Variants in CADM2 observed in about 807,000 individuals in gnomAD.
CADM2 encodes cell adhesion molecule 2.
A neutral mutation model predicts 49.8 loss-of-function variants in CADM2; 12 were observed. The observed-to-expected ratio is 0.24, with a 90% CI of 0.15 to 0.39. The LOEUF (loss-of-function observed/expected upper bound fraction) is 0.39, where lower values mean the gene tolerates loss of function less well. Ranked by LOEUF, CADM2 falls within the 10% of genes least tolerant of loss-of-function variation. The pLI, the probability that CADM2 is intolerant of heterozygous loss-of-function variation, is 1.00. For missense variants in CADM2, 378 were observed against 492.3 expected (o/e 0.77, Z 2.20); for synonymous variants, 214 against 175.4 (o/e 1.22, Z -1.74).
chr3:85,277,270 A>G (rs13316325), intron 1 of CADM2, among the ~76,000 whole-genome samples: 166 of 151,588 alleles, frequency 1.1e-3, no homozygotes, highest in African/African-American at 3.9e-3. Context: ...AATGATCTTC[A>G]AAAGCTGAAA....
At chr3:85,274,489 A>G (rs1171195451) in intron 1 of CADM2, among the ~76,000 whole-genome samples, 1 of 151,348 alleles carries the variant, frequency 6.6e-6, no homozygotes, top group Non-Finnish European at 1.5e-5. Flanking sequence ...ATTAAGAGGA[A>G]GGATGTTTAA....
chr3:85,222,813 A>AATT (rs2042072333), intron 1 of CADM2, among the ~76,000 whole-genome samples: 1 of 152,118 alleles, frequency 6.6e-6, no homozygotes, highest in South Asian at 2.1e-4. Flanking sequence ...TTATTCACTG[A>AATT]ATTATTTGGT....
intron 3 of CADM2, among the ~76,000 whole-genome samples, chr3:85,867,672 T>A (rs1559710764): frequency 7.3e-6 from 1 of 137,160 alleles, no homozygotes; most frequent in East Asian, 2.2e-4. Context: ...AACTTAAGCA[T>A]TTAGTGCTAC....
chr3:85,147,763 A>G (rs1387944033), intron 1 of CADM2, among the ~76,000 whole-genome samples: 2 of 152,176 alleles, frequency 1.3e-5, no homozygotes, highest in African/African-American at 4.8e-5. Context: ...TATGTTGATC[A>G]ATTTATGCTA....
At chr3:85,185,688 G>A (rs1370265892) in intron 1 of CADM2, among the ~76,000 whole-genome samples, 1 of 152,082 alleles carries the variant, frequency 6.6e-6, no homozygotes, top group Non-Finnish European at 1.5e-5. Context: ...GTATGATGGA[G>A]CATGAATTTC....
chr3:85,906,220 G>A (rs1368636703), intron 5 of CADM2, among the ~76,000 whole-genome samples: 1 of 152,096 alleles, frequency 6.6e-6, no homozygotes, highest in Non-Finnish European at 1.5e-5. Context: ...ACATTCTAAT[G>A]TAGACAAATA....
chr3:85,641,193 T>G (rs2107551644), intron 1 of CADM2, among the ~76,000 whole-genome samples: 1 of 152,276 alleles, frequency 6.6e-6, no homozygotes, highest in Middle Eastern at 3.4e-3. Flanking sequence ...TCTTCATCTT[T>G]TCTTAGCTAA....
intron 8 of CADM2, among the ~76,000 whole-genome samples, chr3:85,970,712 C>T (rs1246989305): frequency 6.6e-6 from 1 of 151,428 alleles, no homozygotes; most frequent in Non-Finnish European, 1.5e-5. Flanking sequence ...AAAATTAGTG[C>T]CGTGTGCATA....
At chr3:85,920,288 AC>A (rs1250184920) in intron 6 of CADM2, among the ~76,000 whole-genome samples, 4 of 151,908 alleles carry the variant, frequency 2.6e-5, no homozygotes, top group Non-Finnish European at 5.9e-5. Context: ...GCATAAGGGC[AC>A]AGAATATAAA....
intron 1 of CADM2, among the ~76,000 whole-genome samples, chr3:85,544,740 A>C (rs1251013498): frequency 6.6e-6 from 1 of 152,144 alleles, no homozygotes; most frequent in African/African-American, 2.4e-5. Flanking sequence ...TAGATTGGGC[A>C]TAATTGACAA....
At chr3:85,171,811 A>G (rs181878124) in intron 1 of CADM2, among the ~76,000 whole-genome samples, 5 of 152,330 alleles carry the variant, frequency 3.3e-5, no homozygotes, top group East Asian at 1.9e-4. Context: ...AAATAAAACA[A>G]TTTACATAGG....
At chr3:85,288,147 G>A (rs2043682548) in intron 1 of CADM2, among the ~76,000 whole-genome samples, 1 of 151,894 alleles carries the variant, frequency 6.6e-6, no homozygotes, top group South Asian at 2.1e-4. Flanking sequence ...CTAATTGTGG[G>A]ACCTTGAGAA....
chr3:85,293,004 G>C (rs892831131), intron 1 of CADM2, among the ~76,000 whole-genome samples: 1 of 152,074 alleles, frequency 6.6e-6, no homozygotes, highest in Non-Finnish European at 1.5e-5. Flanking sequence ...TCCAGGAGCT[G>C]GTTTTTTGAA....
At chr3:85,156,561 T>C (rs1445918595) in intron 1 of CADM2, among the ~76,000 whole-genome samples, 1 of 152,208 alleles carries the variant, frequency 6.6e-6, no homozygotes, top group African/African-American at 2.4e-5. Context: ...GAGGAACTGG[T>C]ACCATTCCTT....
chr3:85,026,922 A>G (rs1310663244), intron 1 of CADM2, among the ~76,000 whole-genome samples: 1 of 151,898 alleles, frequency 6.6e-6, no homozygotes, highest in African/African-American at 2.4e-5. Context: ...TTAAACAACT[A>G]TTTTATGTAC....
chr3:85,250,911 C>T (rs2042758017), intron 1 of CADM2, among the ~76,000 whole-genome samples: 1 of 151,626 alleles, frequency 6.6e-6, no homozygotes, highest in African/African-American at 2.4e-5. Flanking sequence ...TCCTCTGTTA[C>T]AAAGGTGTGA....
intron 1 of CADM2, among the ~76,000 whole-genome samples, chr3:85,157,660 C>T (rs1203695401): frequency 6.6e-6 from 1 of 151,306 alleles, no homozygotes; most frequent in Admixed American, 6.6e-5. Flanking sequence ...AAACTGGATC[C>T]CTTCCTTACA....
intron 1 of CADM2, among the ~76,000 whole-genome samples, chr3:85,671,005 G>A (rs1227011802): frequency 6.6e-6 from 1 of 152,152 alleles, no homozygotes; most frequent in Non-Finnish European, 1.5e-5. Flanking sequence ...GAGTGATTCA[G>A]TGATATTTTT....
chr3:86,028,364 G>T (rs1231549591), intron 8 of CADM2, among the ~76,000 whole-genome samples: 4 of 152,006 alleles, frequency 2.6e-5, no homozygotes, highest in Admixed American at 6.6e-5. Context: ...GGGTTAAGGG[G>T]CTATTAATTA....
Sources: allele counts gnomAD v4.1 joint callset (sites outside exome capture counted in the v4.1 genomes callset), GRCh38; gene constraint gnomAD v4.1.1; transcripts MANE v1.5; gene names NCBI Gene and HGNC (gene_info 2026-07-23, HGNC 2026-07-21).